The following GRHL2 variants were observed in gnomAD, a reference collection of about 807,000 sequenced individuals.
GRHL2 encodes grainyhead like transcription factor 2, also known as grainyhead-like protein 2 homolog.
Under a neutral mutation model 83.8 loss-of-function variants are expected in GRHL2, and 21 were observed. The observed-to-expected ratio is 0.25, with a 90% CI of 0.18 to 0.36. The LOEUF is 0.36. Among genes scored for constraint, GRHL2 ranks in the 10% least tolerant of loss-of-function variants. The pLI is 1.00. For synonymous variants in GRHL2, 280 were observed against 278.9 expected (o/e 1.00, Z -0.04); for missense variants, 623 against 781.8 (o/e 0.80, Z 2.42).
At chr8:101,623,479 T>C (rs1227454484) in intron 9 of GRHL2, among the ~76,000 whole-genome samples, 9 of 126,454 alleles carry the variant, frequency 7.1e-5, no homozygotes, top group African/African-American at 3.2e-4. Flanking sequence ...GTAGGACAGT[T>C]CACAGTAAGA....
intron 1 of GRHL2, among the ~76,000 whole-genome samples, chr8:101,525,305 G>A (rs1242331829): frequency 6.6e-6 from 1 of 151,948 alleles, no homozygotes; most frequent in Non-Finnish European, 1.5e-5. Context: ...TCAAATTTTT[G>A]TTCTCAGAAT....
the GRHL2 span, among the ~76,000 whole-genome samples, chr8:101,681,132 C>T: frequency 1.3e-4 from 19 of 150,044 alleles, no homozygotes; most frequent in Admixed American, 1.1e-3. Context: ...ATTAATGAAT[C>T]CAGGAGCTGG....
At chr8:101,592,696 A>G (rs764272825) in intron 7 of GRHL2, among the ~76,000 whole-genome samples, 1 of 152,168 alleles carries the variant, frequency 6.6e-6, no homozygotes, top group Non-Finnish European at 1.5e-5. Context: ...GCACCGTTAT[A>G]GAATCCCTCA....
At chr8:101,631,571 T>A in intron 9 of GRHL2, 66 bp from the exon 10 acceptor site, 1 of 1,218,286 alleles carries the variant, frequency 8.2e-7, no homozygotes, top group Non-Finnish European at 1.2e-6. Context: ...GACTTATGTG[T>A]GACATGACTT....
chr8:101,551,821 G>A (rs1811384922), intron 2 of GRHL2, among the ~76,000 whole-genome samples: 1 of 150,252 alleles, frequency 6.7e-6, no homozygotes, highest in Non-Finnish European at 1.5e-5. Flanking sequence ...TATTTTTCAG[G>A]TAATATGTTG....
Position 101,667,868 on chromosome 8 carries a change from C to A in GRHL2, c.*1165C>A, listed in dbSNP as rs1001102232. The A allele has an allele frequency of 3.9e-5, 6 of 152,752 alleles. No homozygotes were observed. The highest frequency in any genetic ancestry group is 8.8e-5 in the Non-Finnish European group (6 of 68,136). 9.5% of individuals were successfully genotyped at this position (152,752 alleles called of 1,614,324 possible). ...TACTGTGCCTCCCAGTTTACAAACA[C>A]GCCCTTCATCTCAAGTGGCCCTTTA... is the stretch of plus-strand genomic sequence containing the variant. On this transcript the variant is annotated 3_prime_UTR_variant, in exon 16 of 16. Transcript: ENST00000646743.
In GRHL2 at chr8:101,649,507, A is replaced by T. The variant is rs537326028; in HGVS notation, c.1698+8A>T. The T allele has an allele frequency of 8.1e-6, 13 of 1,606,942 alleles. No individual in the cohort carries two copies. The African/African-American group carries it at 1.7e-4, about 21-fold the overall frequency. ...AAGGGCCTGATGGAAGCGGTAAGCC[A>T]TATACTCCTTTCAGCCTCCAGGAAA... On this transcript the variant is annotated splice_region_variant and intron_variant, in intron 14 of 15. Transcript: ENST00000646743.
rs777381691 is a variant in GRHL2 at position 101,543,513 on chromosome 8, G to T, written c.216+77G>T. ...TGCTGGTGGGAAGAAGGAACAGATT[G>T]TTTGTCCCAGGCCAGGGAACTAATA... is the stretch of plus-strand genomic sequence containing the variant. On this transcript the variant is annotated intron_variant, in intron 2 of 15. Transcript: ENST00000646743. 4.4e-6 allele frequency: 6 copies of T among 1,366,642 alleles called. No individual in the cohort carries two copies. The East Asian group carries it at 1.4e-4, about 31-fold the overall frequency. The allele number at this position is 1,366,642 out of a possible 1,614,324, so 84.7% of individuals were successfully genotyped here. A position where few individuals can be genotyped will look rare whatever the true frequency, so the allele number is the denominator to read the frequency against.
chr8:101,617,376 TAAA>T (rs1192099131), intron 8 of GRHL2, among the ~76,000 whole-genome samples: 1 of 152,046 alleles, frequency 6.6e-6, no homozygotes, highest in East Asian at 1.9e-4. Context: ...AAAAATAAAA[TAAA>T]AATGAGGTTT....
intron 1 of GRHL2, among the ~76,000 whole-genome samples, chr8:101,507,411 T>C (rs1053472193): frequency 6.6e-6 from 1 of 152,170 alleles, no homozygotes; most frequent in Non-Finnish European, 1.5e-5. Context: ...ATTTAAAATA[T>C]TCTATAAGAG....
At chr8:101,634,400 T>G (rs1254037352) in intron 11 of GRHL2, among the ~76,000 whole-genome samples, 2 of 152,154 alleles carry the variant, frequency 1.3e-5, no homozygotes, top group African/African-American at 2.4e-5. Flanking sequence ...GTTAGATGCC[T>G]GGGAGATCCT....
chr8:101,666,814 C>CTGTT lies in GRHL2; in HGVS notation c.*112_*115dup. On this transcript the variant is annotated 3_prime_UTR_variant, in exon 16 of 16. Coordinates refer to ENST00000646743, the MANE Select transcript of GRHL2 (RefSeq NM_024915.4). Reference sequence around the variant, plus strand: ...ACCCATCTCCCCCATCTCACAACTGCTGTTACAAGACCGTGCTGGGGAGTG... The same window carrying CTGTT: ...ACCCATCTCCCCCATCTCACAACTGCTGTTTGTTACAAGACCGTGCTGGGGAGTG... 1 of 746,540 alleles carries CTGTT rather than the reference C, an allele frequency of 1.3e-6. No homozygotes were observed. Among genetic ancestry groups the CTGTT allele is most frequent in the South Asian group, 1.5e-5 (1 of 68,594 alleles). The allele number at this position is 746,540 out of a possible 1,614,324, so 46.2% of individuals were successfully genotyped here. A position where few individuals can be genotyped will look rare whatever the true frequency, so the allele number is the denominator to read the frequency against.
chr8:101,505,748 A>G (rs907716662), intron 1 of GRHL2, among the ~76,000 whole-genome samples: 2 of 152,170 alleles, frequency 1.3e-5, no homozygotes, highest in Non-Finnish European at 2.9e-5. Flanking sequence ...AAAAACACAA[A>G]TTTGCATTTC....
At position 101,652,340 on chromosome 8, in the gene GRHL2, T is replaced by TGTGTGTGGTGTGTGTGTCTG. The variant is rs1813647084; in HGVS notation, c.1698+2841_1698+2842insGTGTGTGGTGTGTGTGTCTG. Among the ~76,000 whole-genome samples the TGTGTGTGGTGTGTGTGTCTG allele has an allele frequency of 2.6e-5, 2 of 77,464 alleles. 1 individual carries two copies. Among genetic ancestry groups the TGTGTGTGGTGTGTGTGTCTG allele is most frequent in the African/African-American group, 1.5e-4 (2 of 13,350 alleles). The allele number at this position is 77,464 out of a possible 152,430, so 50.8% of individuals were successfully genotyped here. ...TGTGCGTGTGTGTGTGGTGTGTGTG[T>TGTGTGTGGTGTGTGTGTCTG]ATGTGTGTGGTGTGTGTGGTGTGTG... On this transcript the variant is annotated intron_variant, in intron 14 of 15. Transcript: ENST00000646743.
intron 13 of GRHL2, among the ~76,000 whole-genome samples, chr8:101,644,749 C>T (rs1339068062): frequency 1.3e-5 from 2 of 152,212 alleles, no homozygotes; most frequent in Non-Finnish European, 2.9e-5. Flanking sequence ...CCATGCCCTT[C>T]CTCGGAGTAA....
intron 8 of GRHL2, among the ~76,000 whole-genome samples, chr8:101,610,974 TAAG>T (rs1200924035): frequency 1.3e-5 from 2 of 150,862 alleles, no homozygotes; most frequent in East Asian, 1.9e-4. Context: ...GGCAGAAGGA[TAAG>T]AAGAGGATTG....
At chr8:101,602,007 G>A (rs376264197) in intron 8 of GRHL2, among the ~76,000 whole-genome samples, 2 of 152,048 alleles carry the variant, frequency 1.3e-5, no homozygotes, top group Non-Finnish European at 2.9e-5. Context: ...GCCCTGGTGC[G>A]TAATGTTCCT....
intron 1 of GRHL2, chr8:101,529,592 GC>G: frequency 4.5e-6 from 1 of 224,660 alleles, no homozygotes; most frequent in East Asian, 1.1e-4. Context: ...ACTCCAGTAG[GC>G]CCCCACCCAC....
At chr8:101,496,104 C>T (rs1810097123) in intron 1 of GRHL2, among the ~76,000 whole-genome samples, 2 of 149,028 alleles carry the variant, frequency 1.3e-5, no homozygotes, top group Admixed American at 1.3e-4. Context: ...GCTGAGATCA[C>T]ACCACTGCAC....
Sources: allele counts gnomAD v4.1 joint callset (sites outside exome capture counted in the v4.1 genomes callset), GRCh38; gene constraint gnomAD v4.1.1; transcripts MANE v1.5; gene names NCBI Gene and HGNC (gene_info 2026-07-23, HGNC 2026-07-21).